FOXJ3: variants seen among roughly 807,000 people sequenced by gnomAD.
FOXJ3 encodes forkhead box J3.
A neutral mutation model predicts 76.1 loss-of-function variants in FOXJ3; 22 were observed. The observed-to-expected ratio is 0.29, with a 90% CI of 0.21 to 0.41. The LOEUF (loss-of-function observed/expected upper bound fraction) is 0.41. Among genes scored for constraint, FOXJ3 ranks in the 10% least tolerant of loss-of-function variants. The probability of loss-of-function intolerance (pLI) is 1.00; values close to 1 mark genes in which losing one functional copy is unlikely to be tolerated. For synonymous variants in FOXJ3, 269 were observed against 261.2 expected (o/e 1.03, Z -0.29); for missense variants, 613 against 762.1 (o/e 0.80, Z 2.30).
At chr1:42,310,474 G>C (rs189512455) in intron 2 of FOXJ3, among the ~76,000 whole-genome samples, 6 of 143,262 alleles carry the variant, frequency 4.2e-5, no homozygotes, top group Non-Finnish European at 9.0e-5. Flanking sequence ...TTAGGACAGA[G>C]TCTTGCTCTG....
intron 1 of FOXJ3, among the ~76,000 whole-genome samples, chr1:42,328,348 G>A (rs572638719): frequency 5.9e-5 from 9 of 152,166 alleles, no homozygotes; most frequent in South Asian, 2.1e-4. Flanking sequence ...AATTATTAGC[G>A]TTCAATTCAG....
chr1:42,205,357 G>A (rs149747454), intron 6 of FOXJ3, among the ~76,000 whole-genome samples: 4 of 152,256 alleles, frequency 2.6e-5, no homozygotes, highest in African/African-American at 4.8e-5. Flanking sequence ...TGAACTCTAT[G>A]AGGCTGTCCA....
rs545576757 is a variant in FOXJ3 at position 42,189,280 on chromosome 1, T to C, written c.1453+23A>G. On this transcript the variant is annotated intron_variant, in intron 10 of 12. Transcript: ENST00000361346. ...ACAGGATCATGTGTATTTGGTTATA[T>C]GTCAAAAAGAACCAACACTCACCTT... 40 of 1,438,466 alleles carry C rather than the reference T, an allele frequency of 2.8e-5. 1 individual carries two copies. The South Asian group carries it at 3.9e-4, about 14-fold the overall frequency. The allele number at this position is 1,438,466 out of a possible 1,614,324, so 89.1% of individuals were successfully genotyped here.
chr1:42,258,589 C>A (rs1284105089), intron 4 of FOXJ3, among the ~76,000 whole-genome samples: 4 of 152,152 alleles, frequency 2.6e-5, no homozygotes, highest in South Asian at 2.1e-4. Context: ...CCTTTTTGAA[C>A]AAATACAAGT....
intron 4 of FOXJ3, among the ~76,000 whole-genome samples, chr1:42,250,677 G>A (rs540563162): frequency 1.4e-4 from 21 of 151,678 alleles, no homozygotes; most frequent in African/African-American, 4.8e-4. Context: ...TTAGCTGGGC[G>A]TGGTGGCACA....
At chr1:42,328,435 A>G (rs1655968839) in intron 1 of FOXJ3, among the ~76,000 whole-genome samples, 1 of 152,232 alleles carries the variant, frequency 6.6e-6, no homozygotes, top group Non-Finnish European at 1.5e-5. Flanking sequence ...CTCTACAAGT[A>G]TGAGTCTTGT....
chr1:42,213,273 T>C (rs1482214426), intron 5 of FOXJ3, among the ~76,000 whole-genome samples: 2 of 152,142 alleles, frequency 1.3e-5, no homozygotes, highest in Non-Finnish European at 2.9e-5. Flanking sequence ...ACTTGAAAGA[T>C]ATACACTGGC....
chr1:42,213,268 A>G (rs190411356), intron 5 of FOXJ3, among the ~76,000 whole-genome samples: 2 of 152,154 alleles, frequency 1.3e-5, no homozygotes, highest in Non-Finnish European at 2.9e-5. Flanking sequence ...GTTCCACTTG[A>G]AAGATATACA....
intron 4 of FOXJ3, among the ~76,000 whole-genome samples, chr1:42,257,275 G>A (rs1206370350): frequency 6.6e-6 from 1 of 152,114 alleles, no homozygotes; most frequent in African/African-American, 2.4e-5. Flanking sequence ...AATCAATCAA[G>A]ATACCCTAAA....
chr1:42,226,569 T>C (rs1054584741), intron 5 of FOXJ3, among the ~76,000 whole-genome samples: 1 of 151,942 alleles, frequency 6.6e-6, no homozygotes, highest in African/African-American at 2.4e-5. Context: ...GATCATGCCA[T>C]TGCACTCTAG....
At chr1:42,196,725 A>G (rs1424098487) in intron 7 of FOXJ3, among the ~76,000 whole-genome samples, 1 of 152,202 alleles carries the variant, frequency 6.6e-6, no homozygotes, top group Non-Finnish European at 1.5e-5. Flanking sequence ...TACAAAGTCT[A>G]GCTTTAAACA....
intron 4 of FOXJ3, among the ~76,000 whole-genome samples, chr1:42,259,193 A>C (rs2124606913): frequency 6.6e-6 from 1 of 152,268 alleles, no homozygotes; most frequent in South Asian, 2.1e-4. Context: ...ATTTTGGAAA[A>C]GGCAAAATTA....
chr1:42,283,335 A>C (rs1040948883), intron 2 of FOXJ3, among the ~76,000 whole-genome samples: 1 of 152,138 alleles, frequency 6.6e-6, no homozygotes, highest in Admixed American at 6.5e-5. Flanking sequence ...GGCTATAACA[A>C]CTCAAAACTG....
chr1:42,322,263 T>C (rs1340264784), intron 1 of FOXJ3, among the ~76,000 whole-genome samples: 2 of 152,064 alleles, frequency 1.3e-5, no homozygotes, highest in Non-Finnish European at 2.9e-5. Context: ...AAAAACCAAC[T>C]GTAAAGAGAT....
chr1:42,302,663 G>A (rs1392789194), intron 2 of FOXJ3, among the ~76,000 whole-genome samples: 1 of 152,230 alleles, frequency 6.6e-6, no homozygotes, highest in Non-Finnish European at 1.5e-5. Context: ...AATGCCTAAA[G>A]ATACATCTCT....
At chr1:42,230,575 A>T (rs1342922642) in intron 4 of FOXJ3, among the ~76,000 whole-genome samples, 1 of 152,236 alleles carries the variant, frequency 6.6e-6, no homozygotes, top group Non-Finnish European at 1.5e-5. Context: ...GCATGAAAAC[A>T]AAACGTTGAC....
Position 42,246,448 on chromosome 1 carries a change from A to C in FOXJ3, c.445-18482T>G, listed in dbSNP as rs995541446. Among the ~76,000 whole-genome samples the C allele has an allele frequency of 2.6e-5, 4 of 152,308 alleles. No individual in the cohort carries two copies. The South Asian group carries it at 8.3e-4, about 32-fold the overall frequency. ...AAAAAAATGTTCAACATCAATAATCATTAAGGAAATGCAAATCAAAACCAG... is the reference window on the plus strand; with the variant it reads ...AAAAAAATGTTCAACATCAATAATCCTTAAGGAAATGCAAATCAAAACCAG... On this transcript the variant is annotated intron_variant, in intron 4 of 12. Transcript: ENST00000361346.
chr1:42,192,514 T>C (rs1557624808), intron 8 of FOXJ3, among the ~76,000 whole-genome samples: 1 of 152,244 alleles, frequency 6.6e-6, no homozygotes, highest in African/African-American at 2.4e-5. Context: ...AGGGAAACTA[T>C]GAAGAGGAAC....
In FOXJ3 at chr1:42,177,160, C is replaced by CGTT. The variant is rs1245376869; in HGVS notation, c.*2549_*2550insAAC. ...CAGGTAACCCTGTCTGGCCAGGGCC[C>CGTT]ACAGAAAAGGCCTGTCCTGGGCTCC... On this transcript the variant is annotated 3_prime_UTR_variant, in exon 13 of 13. Coordinates refer to ENST00000361346, the MANE Select transcript of FOXJ3 (RefSeq NM_014947.5). The CGTT allele has an allele frequency of 3.3e-3, 498 of 152,756 alleles. 1 individual carries two copies. Among genetic ancestry groups the CGTT allele is most frequent in the African/African-American group, 0.012 (487 of 41,554 alleles). The allele number at this position is 152,756 out of a possible 1,614,324, so 9.5% of individuals were successfully genotyped here. A position where few individuals can be genotyped will look rare whatever the true frequency, so the allele number is the denominator to read the frequency against.
Sources: allele counts gnomAD v4.1 joint callset (sites outside exome capture counted in the v4.1 genomes callset), GRCh38; gene constraint gnomAD v4.1.1; transcripts MANE v1.5; gene names NCBI Gene and HGNC (gene_info 2026-07-23, HGNC 2026-07-21).